NDUFA7: variants seen among roughly 807,000 people sequenced by gnomAD.
NDUFA7 encodes the protein NADH:ubiquinone oxidoreductase subunit A7.
NDUFA7 carries 18 observed loss-of-function variants against 14.2 expected under a neutral mutation model. That is an observed-to-expected ratio of 1.27 (90% confidence interval 0.88 to 1.88). NDUFA7 has a LOEUF of 1.88. NDUFA7 is among the 40% of genes most tolerant of loss of function. The pLI is 0.00. For synonymous variants in NDUFA7, 75 were observed against 62.1 expected (o/e 1.21, Z -0.98); for missense variants, 172 against 147.3 (o/e 1.17, Z -0.87).
downstream of NDUFA7, among the ~76,000 whole-genome samples, chr19:8,310,191 A>G (rs1362930196): frequency 1.3e-5 from 2 of 152,116 alleles, no homozygotes; most frequent in Non-Finnish European, 2.9e-5. Flanking sequence ...ACACTTCGGG[A>G]GGCAGAGGTG....
intron 3 of NDUFA7, among the ~76,000 whole-genome samples, chr19:8,311,847 C>T (rs916250244): frequency 6.6e-6 from 1 of 152,186 alleles, no homozygotes; most frequent in Non-Finnish European, 1.5e-5. Flanking sequence ...CCCCCAGGCC[C>T]AGAACCCACT....
chr19:8,311,491 G>A lies in NDUFA7; in HGVS notation c.*14C>T, dbSNP rs751508441. ...AAGGAGGCAAAGTAGTCGGGTGGCC[G>A]TGAGGGTGCAGTGTCACAGGTAAGG... On this transcript the variant is annotated 3_prime_UTR_variant, in exon 4 of 4. Transcript: ENST00000301457. 2.1e-5 allele frequency: 34 copies of A among 1,585,708 alleles called. No individual in the cohort carries two copies. The highest frequency in any genetic ancestry group is 3.6e-4 in the Middle Eastern group (2 of 5,622).
chr19:8,312,749 C>T (rs557373493), intron 3 of NDUFA7, among the ~76,000 whole-genome samples: 9 of 152,236 alleles, frequency 5.9e-5, no homozygotes, highest in South Asian at 2.1e-4. Context: ...GAAGCTTCCT[C>T]GACCTCCCAG....
At chr19:8,313,671 T>C (rs1215805254) in intron 3 of NDUFA7, among the ~76,000 whole-genome samples, 1 of 152,198 alleles carries the variant, frequency 6.6e-6, no homozygotes, top group Non-Finnish European at 1.5e-5. Flanking sequence ...ACACCGTGAG[T>C]TGGCTGTAGA....
chr19:8,311,339 A>C lies in NDUFA7; in HGVS notation c.*166T>G. On this transcript the variant is annotated 3_prime_UTR_variant, in exon 4 of 4. Coordinates refer to ENST00000301457, the MANE Select transcript of NDUFA7 (RefSeq NM_005001.5). ...AGGATCGCTTGAGGCCAGGAGTTCA[A>C]GATCAGCCTGGGAAACATGGTGAGA... 1.9e-6 allele frequency: 1 copy of C among 524,784 alleles called. No individual in the cohort carries two copies. The highest frequency in any genetic ancestry group is 3.3e-6 in the Non-Finnish European group (1 of 307,454). 32.5% of individuals were successfully genotyped at this position (524,784 alleles called of 1,614,324 possible). A position where few individuals can be genotyped will look rare whatever the true frequency, so the allele number is the denominator to read the frequency against.
At position 8,316,629 on chromosome 19, in the gene NDUFA7, T is replaced by C. The variant is rs767828157; in HGVS notation, c.118A>G (p.Lys40Glu). 1.2e-6 allele frequency: 2 copies of C among 1,613,970 alleles called. No homozygotes were observed. The highest frequency in any genetic ancestry group is 1.7e-5 in the Admixed American group (1 of 59,980). ...TTGTGGCTAGGACCCACAGGGAGCT[T>C]GGGAGGAGGCTGAGTTCTGAGGGGA... ...EISKRTQPPP[K>E]LPVGPSHKLS... Residue 40 changes from lysine to glutamate, a missense_variant, in exon 3 of 4, where the codon AAG becomes GAG. Transcript: ENST00000301457.
At chr19:8,317,481 C>A (rs1970249049) in intron 2 of NDUFA7, among the ~76,000 whole-genome samples, 1 of 152,134 alleles carries the variant, frequency 6.6e-6, no homozygotes, top group African/African-American at 2.4e-5. Context: ...TACACTCCAG[C>A]CTGGGCGACA....
chr19:8,319,873 T>C (rs1261557246), intron 2 of NDUFA7, among the ~76,000 whole-genome samples: 1 of 151,756 alleles, frequency 6.6e-6, no homozygotes, highest in African/African-American at 2.4e-5. Context: ...TGAGACAGAG[T>C]GTTGTTCTGT....
intron 1 of NDUFA7, 120 bp from the exon 2 acceptor site, chr19:8,321,026 ACT>A: frequency 1.7e-6 from 2 of 1,149,000 alleles, no homozygotes; most frequent in South Asian, 2.6e-5. Context: ...GGGGATGAAC[ACT>A]CGGGGAAACG....
chr19:8,312,623 G>C (rs1030734082), intron 3 of NDUFA7, among the ~76,000 whole-genome samples: 36 of 152,028 alleles, frequency 2.4e-4, no homozygotes, highest in Admixed American at 9.2e-4. Flanking sequence ...TGGGATTACA[G>C]GTGTGCACCA....
At chr19:8,315,070 C>G (rs1970217759) in intron 3 of NDUFA7, among the ~76,000 whole-genome samples, 2 of 152,138 alleles carry the variant, frequency 1.3e-5, no homozygotes, top group South Asian at 2.1e-4. Flanking sequence ...TAAACAGAAG[C>G]TGGAAGGCAG....
intron 3 of NDUFA7, among the ~76,000 whole-genome samples, chr19:8,312,160 G>T (rs893642863): frequency 2.6e-5 from 4 of 152,194 alleles, no homozygotes; most frequent in Non-Finnish European, 5.9e-5. Flanking sequence ...CCAAGAGGGA[G>T]CCCCCAGGAG....
chr19:8,318,365 G>T (rs1471405077), intron 2 of NDUFA7, among the ~76,000 whole-genome samples: 1 of 151,796 alleles, frequency 6.6e-6, no homozygotes, highest in Non-Finnish European at 1.5e-5. Context: ...GGCCAGGCTG[G>T]TCTCAAACTT....
At chr19:8,313,491 A>C (rs1261267054) in intron 3 of NDUFA7, among the ~76,000 whole-genome samples, 2 of 152,114 alleles carry the variant, frequency 1.3e-5, no homozygotes, top group Non-Finnish European at 2.9e-5. Flanking sequence ...CGGCCTCCCA[A>C]AGTGCTGGGA....
At chr19:8,310,542 C>T (rs970192240), downstream of NDUFA7, 1 of 152,296 alleles carries the variant, frequency 6.6e-6, no homozygotes, top group African/African-American at 2.4e-5. Context: ...AGCCAGCGGT[C>T]CTGGGAGTCC....
rs553803180 is a variant in NDUFA7 at position 8,320,763 on chromosome 19, G to A, written c.101+94C>T. 4.4e-5 allele frequency: 64 copies of A among 1,463,074 alleles called. No homozygotes were observed. The East Asian group carries it at 1.4e-3, about 33-fold the overall frequency. 90.6% of individuals were successfully genotyped at this position (1,463,074 alleles called of 1,614,324 possible). ...GCAGGGGACTGGTGGCAGGATGTCAGCCCTCCGTTTCAGGGGTCTAAAGGA... is the reference window on the plus strand; with the variant it reads ...GCAGGGGACTGGTGGCAGGATGTCAACCCTCCGTTTCAGGGGTCTAAAGGA... On this transcript the variant is annotated intron_variant, in intron 2 of 3. Transcript: ENST00000301457.
chr19:8,317,853 G>A (rs1599632448), intron 2 of NDUFA7, among the ~76,000 whole-genome samples: 1 of 152,112 alleles, frequency 6.6e-6, no homozygotes, highest in East Asian at 1.9e-4. Flanking sequence ...TATTGTTTTT[G>A]TGGAGTCGGG....
chr19:8,309,382 G>A (rs2145385866), downstream of NDUFA7, among the ~76,000 whole-genome samples: 1 of 152,106 alleles, frequency 6.6e-6, no homozygotes, highest in South Asian at 2.1e-4. Flanking sequence ...GCTGAGATGG[G>A]AGAATCGCTT....
At chr19:8,313,069 T>G (rs2145391323) in intron 3 of NDUFA7, among the ~76,000 whole-genome samples, 1 of 152,132 alleles carries the variant, frequency 6.6e-6, no homozygotes, top group South Asian at 2.1e-4. Flanking sequence ...AGTGCTGGGA[T>G]TACAGGCGTG....
Sources: allele counts gnomAD v4.1 joint callset (sites outside exome capture counted in the v4.1 genomes callset), GRCh38; gene constraint gnomAD v4.1.1; transcripts MANE v1.5; gene names NCBI Gene and HGNC (gene_info 2026-07-23, HGNC 2026-07-21).